The following EIPR1 variants were observed in gnomAD, a reference collection of about 807,000 sequenced individuals.
The protein encoded by EIPR1 is EARP and GARP complex-interacting protein 1.
A neutral mutation model predicts 48.1 loss-of-function variants in EIPR1; 25 were observed. The observed-to-expected ratio is 0.52, with a 90% CI of 0.38 to 0.73. EIPR1 has a LOEUF of 0.73. Ranked by LOEUF, EIPR1 falls within the 30% of genes least tolerant of loss-of-function variation. The probability of loss-of-function intolerance (pLI) is 0.00; values close to 1 mark genes in which losing one functional copy is unlikely to be tolerated. For synonymous variants in EIPR1, 204 were observed against 201.9 expected, an observed-to-expected ratio of 1.01 and a Z score of -0.09; for missense variants, 415 against 506.2, an observed-to-expected ratio of 0.82 and a Z score of 1.73.
At chr2:3,290,669 G>A (rs955117318) in intron 3 of EIPR1, among the ~76,000 whole-genome samples, 14 of 152,202 alleles carry the variant, frequency 9.2e-5, no homozygotes, top group Non-Finnish European at 1.2e-4. Context: ...GGCAGGTGGC[G>A]GGGGTGTGGC....
intron 3 of EIPR1, among the ~76,000 whole-genome samples, chr2:3,269,598 CA>C (rs5828973): frequency 0.034 from 1,582 of 47,168 alleles, 172 homozygotes; most frequent in African/African-American, 0.1. Flanking sequence ...TCATCGCACT[CA>C]ATCGCACTCA....
Position 3,222,148 on chromosome 2 carries a change from A to G in EIPR1, c.417-7900T>C, listed in dbSNP as rs555904378. Reference sequence around the variant, plus strand: ...TTAAGAGCAGCATGTGCTCTAAAAGACACTCTCCCTGCAGACATATCACTG... The same window carrying G: ...TTAAGAGCAGCATGTGCTCTAAAAGGCACTCTCCCTGCAGACATATCACTG... On this transcript the variant is annotated intron_variant, in intron 4 of 8. Coordinates refer to ENST00000382125, the MANE Select transcript of EIPR1 (RefSeq NM_003310.5). Among the ~76,000 whole-genome samples, 16 of 152,334 alleles carry G rather than the reference A, an allele frequency of 1.1e-4. 1 individual carries two copies. The East Asian group carries it at 2.1e-3, about 20-fold the overall frequency.
In EIPR1 at chr2:3,313,952, G is replaced by A. The variant is rs989238275; in HGVS notation, c.259+24065C>T. On this transcript the variant is annotated intron_variant, in intron 3 of 8. Coordinates refer to ENST00000382125, the MANE Select transcript of EIPR1 (RefSeq NM_003310.5). ...CACAGCAGCAGCCGGGGCTGTCCCC[G>A]AGCTGCGGGCCTGGGTCAATGGCCC... 3.3e-5 allele frequency among the ~76,000 whole-genome samples: 5 copies of A among 152,236 alleles called. No homozygotes were observed. In the South Asian group the frequency reaches 8.3e-4, roughly 25 times the overall value.
At chr2:3,329,300 A>G (rs1467781616) in intron 3 of EIPR1, among the ~76,000 whole-genome samples, 2 of 49,742 alleles carry the variant, frequency 4.0e-5, no homozygotes, top group African/African-American at 1.4e-4. Context: ...ATCTCAGGGC[A>G]CCAGCTGGGC....
chr2:3,214,515 T>G, intron 4 of EIPR1: 1 of 339,472 alleles, frequency 2.9e-6, no homozygotes, highest in East Asian at 6.0e-5. Context: ...TTCGTCAATG[T>G]ACACAGGGGC....
At chr2:3,375,408 A>G (rs968095465) in intron 1 of EIPR1, among the ~76,000 whole-genome samples, 7 of 152,192 alleles carry the variant, frequency 4.6e-5, no homozygotes, top group Middle Eastern at 3.2e-3. Flanking sequence ...AGAGAGAAAA[A>G]AAAGAAAATA....
intron 3 of EIPR1, among the ~76,000 whole-genome samples, chr2:3,266,379 C>T (rs1312997735): frequency 6.6e-6 from 1 of 152,244 alleles, no homozygotes; most frequent in Non-Finnish European, 1.5e-5. Flanking sequence ...TCACCTGATG[C>T]AGGTACGCCT....
At chr2:3,289,611 C>T (rs1245506811) in intron 3 of EIPR1, among the ~76,000 whole-genome samples, 1 of 152,160 alleles carries the variant, frequency 6.6e-6, no homozygotes, top group East Asian at 1.9e-4. Flanking sequence ...CCTATGTGCA[C>T]CATGTCTAAA....
intron 1 of EIPR1, among the ~76,000 whole-genome samples, chr2:3,355,732 T>C (rs1670707754): frequency 6.6e-6 from 1 of 152,046 alleles, no homozygotes; most frequent in Admixed American, 6.6e-5. Flanking sequence ...GGAGGATCAC[T>C]CGAGCCCAGG....
At chr2:3,250,727 C>T (rs562011749) in intron 4 of EIPR1, among the ~76,000 whole-genome samples, 13 of 152,300 alleles carry the variant, frequency 8.5e-5, no homozygotes, top group African/African-American at 2.2e-4. Context: ...GCTGAGCACC[C>T]GTCCCTTGGT....
intron 1 of EIPR1, among the ~76,000 whole-genome samples, chr2:3,368,983 C>T (rs903111537): frequency 2.0e-5 from 3 of 152,072 alleles, no homozygotes; most frequent in East Asian, 3.8e-4. Context: ...GATCTCTATC[C>T]TTTCATGTAA....
At chr2:3,320,935 C>A (rs1669507718) in intron 3 of EIPR1, among the ~76,000 whole-genome samples, 1 of 152,186 alleles carries the variant, frequency 6.6e-6, no homozygotes, top group South Asian at 2.1e-4. Flanking sequence ...AATTAGAGCC[C>A]CAAAAATAAG....
chr2:3,316,145 C>CCACCACCATCAT (rs1459734719), intron 3 of EIPR1, among the ~76,000 whole-genome samples: 1 of 143,150 alleles, frequency 7.0e-6, no homozygotes, highest in Non-Finnish European at 1.5e-5. Context: ...ACCACCATCA[C>CCACCACCATCAT]CACCACCATC....
chr2:3,371,501 G>C, intron 1 of EIPR1, among the ~76,000 whole-genome samples: 1 of 152,094 alleles, frequency 6.6e-6, no homozygotes, highest in Non-Finnish European at 1.5e-5. Flanking sequence ...CACGTGCAGA[G>C]ACACACATAG....
intron 3 of EIPR1, among the ~76,000 whole-genome samples, chr2:3,313,333 G>A (rs1209518933): frequency 1.3e-5 from 2 of 152,162 alleles, no homozygotes; most frequent in Non-Finnish European, 2.9e-5. Flanking sequence ...ATCGAAGGCT[G>A]AGAGAGCAGC....
At chr2:3,218,532 G>A (rs955136252) in intron 4 of EIPR1, among the ~76,000 whole-genome samples, 1 of 147,520 alleles carries the variant, frequency 6.8e-6, no homozygotes, top group Non-Finnish European at 1.5e-5. Flanking sequence ...AGTGAGTCAG[G>A]TGCACACTCA....
intron 2 of EIPR1, among the ~76,000 whole-genome samples, chr2:3,339,670 T>G (rs1168472246): frequency 6.6e-6 from 1 of 152,182 alleles, no homozygotes; most frequent in Non-Finnish European, 1.5e-5. Context: ...TGGCATGGGC[T>G]GGGCGCGGTG....
At chr2:3,354,249 G>C (rs1263957323) in intron 2 of EIPR1, among the ~76,000 whole-genome samples, 2 of 152,204 alleles carry the variant, frequency 1.3e-5, no homozygotes, top group African/African-American at 4.8e-5. Flanking sequence ...AGAAGGGGTA[G>C]TGGTGACCAC....
chr2:3,233,209 CT>C (rs148239962), intron 4 of EIPR1, among the ~76,000 whole-genome samples: 31 of 148,164 alleles, frequency 2.1e-4, no homozygotes, highest in African/African-American at 2.0e-4. Flanking sequence ...CTGCAACTTG[CT>C]TTTTTTTTTA....
Sources: allele counts gnomAD v4.1 joint callset (sites outside exome capture counted in the v4.1 genomes callset), GRCh38; gene constraint gnomAD v4.1.1; transcripts MANE v1.5; gene names NCBI Gene and HGNC (gene_info 2026-07-23, HGNC 2026-07-21).